LOXL1: variants seen among roughly 807,000 people sequenced by gnomAD.
LOXL1 encodes the protein lysyl oxidase like 1, also known as lysyl oxidase homolog 1.
In LOXL1, 31 loss-of-function variants were observed where a neutral mutation model predicts 62.2. The observed-to-expected ratio is 0.50, with a 90% CI of 0.37 to 0.67. The LOEUF (loss-of-function observed/expected upper bound fraction) is 0.67. LOXL1 is among the 30% of genes least tolerant of loss of function. LOXL1 has a pLI of 0.00. For missense variants in LOXL1, 775 were observed against 843.4 expected (o/e 0.92, Z 1.00); for synonymous variants, 403 against 384.4 (o/e 1.05, Z -0.56).
chr15:73,926,799 G>C lies in LOXL1; in HGVS notation c.16G>C (p.Gly6Arg). 6.8e-7 allele frequency: 1 copy of C among 1,477,370 alleles called. No individual in the cohort carries two copies. The highest frequency in any genetic ancestry group is 9.0e-7 in the Non-Finnish European group (1 of 1,113,396). 91.5% of individuals were successfully genotyped at this position (1,477,370 alleles called of 1,614,324 possible). MALARGSRQLGALVWG... is the reference protein window; with the variant it reads MALARRSRQLGALVWG... The stretch of plus-strand genomic sequence containing the variant: ...AGGGGTCACCATGGCTCTGGCCCGA[G>C]GCAGCCGGCAGCTGGGGGCCCTGGT... Residue 6 changes from glycine (G) to arginine (R), a missense_variant, in exon 1 of 7, where the codon GGC becomes CGC. Coordinates refer to ENST00000261921, the MANE Select transcript of LOXL1 (RefSeq NM_005576.4).
intron 5 of LOXL1, 65 bp from the exon 6 acceptor site, chr15:73,949,394 G>T (rs1282427975): frequency 1.1e-6 from 1 of 906,470 alleles, no homozygotes; most frequent in Non-Finnish European, 1.9e-6. Context: ...ACCTTCTCTG[G>T]TGAGCAGTTG....
rs2068630699 is a variant in LOXL1 at position 73,930,890 on chromosome 15, C to T, written c.1102+3005C>T. 6.6e-6 allele frequency among the ~76,000 whole-genome samples: 1 copy of T among 152,306 alleles called. No homozygotes were observed. The highest frequency in any genetic ancestry group is 1.5e-5 in the Non-Finnish European group (1 of 68,010). The stretch of plus-strand genomic sequence containing the variant: ...AGAGGGTCACATACTTTGCCTGGCT[C>T]TCATAGCAAATCCTTGAAGAGAGGC... On this transcript the variant is annotated intron_variant, in intron 1 of 6. Coordinates refer to ENST00000261921, the MANE Select transcript of LOXL1 (RefSeq NM_005576.4). This position sits in a 1 kb window ranked among gnomAD's most constrained non-coding sequence, Gnocchi z 4.7.
At chr15:73,935,824 G>A (rs1252446115) in intron 1 of LOXL1, among the ~76,000 whole-genome samples, 4 of 152,196 alleles carry the variant, frequency 2.6e-5, no homozygotes, top group African/African-American at 4.8e-5. Flanking sequence ...CATTGGTGGG[G>A]TGGACAGGTG....
Position 73,927,866 on chromosome 15 carries a change from G to T in LOXL1, c.1083G>T (p.Arg361=). ...GCCTCAGCGTGGGCAGCGTGTACCG[G>T]CCCAACCAGAACGGCCGCGGTGAGT... ...QGRLSVGSVY[R]PNQNGRGLPD... The change falls in exon 1 of 7, where the codon CGG becomes CGT. Residue 361 remains arginine, a synonymous_variant. Coordinates refer to ENST00000261921, the MANE Select transcript of LOXL1 (RefSeq NM_005576.4). 1 of 1,325,892 alleles carries T rather than the reference G, an allele frequency of 7.5e-7. No individual in the cohort carries two copies. Among genetic ancestry groups the T allele is most frequent in the Non-Finnish European group, 9.6e-7 (1 of 1,045,208 alleles). The allele number at this position is 1,325,892 out of a possible 1,614,324, so 82.1% of individuals were successfully genotyped here.
At position 73,951,976 on chromosome 15, in the gene LOXL1, G is replaced by A. The variant is rs963648824; in HGVS notation, c.*139G>A. On this transcript the variant is annotated 3_prime_UTR_variant, in exon 7 of 7. Transcript: ENST00000261921. ...TCCCTGCCGGCCTCAGGGAGCGAAC[G>A]TGGATGAAAACCACAGGGATTCCGG... 19 of 637,502 alleles carry A rather than the reference G, an allele frequency of 3.0e-5. No individual in the cohort carries two copies. Among genetic ancestry groups the A allele is most frequent in the South Asian group, 4.3e-5 (1 of 23,088 alleles). The allele number at this position is 637,502 out of a possible 1,614,324, so 39.5% of individuals were successfully genotyped here. A position where few individuals can be genotyped will look rare whatever the true frequency, so the allele number is the denominator to read the frequency against.
intron 1 of LOXL1, among the ~76,000 whole-genome samples, chr15:73,941,462 C>T (rs1186707740): frequency 5.3e-5 from 8 of 152,196 alleles, no homozygotes; most frequent in Admixed American, 5.2e-4. Flanking sequence ...TCCTTGGCCT[C>T]ATCTTCCAGA....
In LOXL1 at chr15:73,945,100, A is replaced by C. The variant is rs1269698210; in HGVS notation, c.1212-1317A>C. Among the ~76,000 whole-genome samples the C allele has an allele frequency of 6.6e-6, 1 of 152,060 alleles. No individual in the cohort carries two copies. The highest frequency in any genetic ancestry group is 1.5e-5 in the Non-Finnish European group (1 of 68,000). On this transcript the variant is annotated intron_variant, in intron 2 of 6. Transcript: ENST00000261921. The surrounding 1 kb of genome is among the most constrained non-coding windows in gnomAD (Gnocchi z 4.3). ...TGTGTGCATGTGTGTGTATGTGTGC[A>C]TGTGTGTGTGTCTCCCCTCACTGCA...
rs1158512325 is a variant in LOXL1 at position 73,945,159 on chromosome 15, G to T, written c.1212-1258G>T. Among the ~76,000 whole-genome samples, 1 of 152,108 alleles carries T rather than the reference G, an allele frequency of 6.6e-6. No individual in the cohort carries two copies. The highest frequency in any genetic ancestry group is 2.4e-5 in the African/African-American group (1 of 41,400). Reference sequence around the variant, plus strand: ...TTCCTCTTTCCACCCTTTTCCTTTTGTCACAAGGCCTACCTCAGTTGGAAA... The same window carrying T: ...TTCCTCTTTCCACCCTTTTCCTTTTTTCACAAGGCCTACCTCAGTTGGAAA... On this transcript the variant is annotated intron_variant, in intron 2 of 6. Transcript: ENST00000261921. The surrounding 1 kb of genome is among the most constrained non-coding windows in gnomAD (Gnocchi z 4.3).
Position 73,945,941 on chromosome 15 carries a change from G to A in LOXL1, c.1212-476G>A, listed in dbSNP as rs911687631. ...TTTTAATTTCTCACTATGTTGCCCAGGCTGGTCTCAAACTATGGGCCTCAA... is the reference window on the plus strand; with the variant it reads ...TTTTAATTTCTCACTATGTTGCCCAAGCTGGTCTCAAACTATGGGCCTCAA... On this transcript the variant is annotated intron_variant, in intron 2 of 6. Coordinates refer to ENST00000261921, the MANE Select transcript of LOXL1 (RefSeq NM_005576.4). The surrounding 1 kb of genome is among the most constrained non-coding windows in gnomAD (Gnocchi z 4.3). Among the ~76,000 whole-genome samples, 2 of 152,016 alleles carry A rather than the reference G, an allele frequency of 1.3e-5. No individual in the cohort carries two copies. The highest frequency in any genetic ancestry group is 2.4e-5 in the African/African-American group (1 of 41,362).
chr15:73,934,034 G>A (rs2068653435), intron 1 of LOXL1, among the ~76,000 whole-genome samples: 1 of 152,240 alleles, frequency 6.6e-6, no homozygotes, highest in Non-Finnish European at 1.5e-5. Flanking sequence ...ATGGGGAGAG[G>A]GGTGTCAGAA....
chr15:73,935,763 A>T (rs1395459028), intron 1 of LOXL1, among the ~76,000 whole-genome samples: 1 of 152,174 alleles, frequency 6.6e-6, no homozygotes, highest in East Asian at 1.9e-4. Flanking sequence ...AATCAAGCAC[A>T]CACTTACAAA....
chr15:73,929,309 C>A (rs751340277), intron 1 of LOXL1, among the ~76,000 whole-genome samples: 8 of 152,220 alleles, frequency 5.3e-5, no homozygotes, highest in Non-Finnish European at 7.3e-5. Context: ...GCCTGGCCCA[C>A]CAAGTAAGGG....
At chr15:73,937,305 A>T (rs1269055415) in intron 1 of LOXL1, among the ~76,000 whole-genome samples, 1 of 152,228 alleles carries the variant, frequency 6.6e-6, no homozygotes, top group African/African-American at 2.4e-5. Context: ...CAGAGCCAGG[A>T]TATAGAACAT....
At chr15:73,951,561 T>G (rs2068787321) in intron 6 of LOXL1, among the ~76,000 whole-genome samples, 1 of 151,086 alleles carries the variant, frequency 6.6e-6, no homozygotes, top group South Asian at 2.1e-4. Context: ...TTCCAGACAG[T>G]AGCAGCTCTG....
At chr15:73,931,460 G>C (rs1255195075) in intron 1 of LOXL1, among the ~76,000 whole-genome samples, 1 of 152,134 alleles carries the variant, frequency 6.6e-6, no homozygotes, top group Non-Finnish European at 1.5e-5. Flanking sequence ...ACAAAATCTA[G>C]TGTCTCAGCC....
chr15:73,947,120 C>T lies in LOXL1; in HGVS notation c.1403C>T (p.Thr468Ile), dbSNP rs371938532. 1.2e-5 allele frequency: 19 copies of T among 1,613,630 alleles called. No individual in the cohort carries two copies. Among genetic ancestry groups the T allele is most frequent in the Non-Finnish European group, 1.6e-5 (19 of 1,179,574 alleles). The change falls in exon 4 of 7, where the codon ACA becomes ATA. Residue 468 changes from threonine (T) to isoleucine (I), a missense_variant. By Grantham distance (89) the Thr-to-Ile change is moderately conservative. Coordinates refer to ENST00000261921, the MANE Select transcript of LOXL1 (RefSeq NM_005576.4). The stretch of plus-strand genomic sequence containing the variant: ...CACTACGACCTACTGGATGCAGCCA[C>T]AGGCAAGAAGGTGGCCGAGGGCCAC... ...FSHYDLLDAA[T>I]GKKVAEGHKA...
chr15:73,927,325 A>C lies in LOXL1; in HGVS notation c.542A>C (p.Gln181Pro). The C allele has an allele frequency of 1.9e-6, 3 of 1,603,212 alleles. No homozygotes were observed. The highest frequency in any genetic ancestry group is 1.7e-4 in the Middle Eastern group (1 of 6,032). Residue 181 changes from glutamine to proline, a missense_variant, in exon 1 of 7, where the codon CAG becomes CCG. By Grantham distance (76) the Gln-to-Pro change is moderately conservative. Coordinates refer to ENST00000261921, the MANE Select transcript of LOXL1 (RefSeq NM_005576.4). ...PSYPQQFPYP[Q>P]APFVSQYENY... ...TACCCGCAGCAGTTCCCCTACCCGC[A>C]GGCGCCCTTCGTCAGCCAGTACGAG...
At chr15:73,949,697 A>C in intron 6 of LOXL1, 123 bp downstream of exon 6, 1 of 680,062 alleles carries the variant, frequency 1.5e-6, no homozygotes, top group Non-Finnish European at 2.6e-6. Context: ...ACGCAGCTGC[A>C]GCAGGGCCCA....
chr15:73,942,340 A>G (rs1020432936), intron 1 of LOXL1, among the ~76,000 whole-genome samples: 1 of 151,610 alleles, frequency 6.6e-6, no homozygotes, highest in Non-Finnish European at 1.5e-5. Flanking sequence ...CTTCAGGGAC[A>G]CACTCCAGGC....
Sources: allele counts gnomAD v4.1 joint callset (sites outside exome capture counted in the v4.1 genomes callset), GRCh38; gene constraint gnomAD v4.1.1; non-coding constraint Gnocchi (gnomAD v3.1); transcripts MANE v1.5; gene names NCBI Gene and HGNC (gene_info 2026-07-23, HGNC 2026-07-21).